The following COL15A1 variants were observed in gnomAD, a reference collection of about 807,000 sequenced individuals.
COL15A1 encodes collagen alpha-1(XV) chain.
Under a neutral mutation model 165.9 loss-of-function variants are expected in COL15A1, and 111 were observed. The observed-to-expected ratio is 0.67, with a 90% CI of 0.57 to 0.78. The LOEUF (loss-of-function observed/expected upper bound fraction) is 0.78, where lower values mean the gene tolerates loss of function less well. Ranked by LOEUF, COL15A1 falls within the 30% of genes least tolerant of loss-of-function variation. The probability of loss-of-function intolerance (pLI) is 0.00; values close to 1 mark genes in which losing one functional copy is unlikely to be tolerated. For missense variants in COL15A1, 1,745 were observed against 1,789.7 expected (o/e 0.98, Z 0.45); for synonymous variants, 659 against 674.8 (o/e 0.98, Z 0.36).
At chr9:99,049,789 C>T (rs1052350819) in intron 29 of COL15A1, 31 bp downstream of exon 29, 41 of 1,614,106 alleles carry the variant, frequency 2.5e-5, no homozygotes, top group Middle Eastern at 1.6e-4. Context: ...AAGACCTTCC[C>T]GATTGGCCTA....
chr9:99,046,976 T>C (rs1048108476), intron 26 of COL15A1, among the ~76,000 whole-genome samples: 2 of 152,214 alleles, frequency 1.3e-5, no homozygotes, highest in Non-Finnish European at 1.5e-5. Context: ...TGTATGTTTA[T>C]GGTAGGATGA....
chr9:99,013,591 G>T (rs1366032259), intron 9 of COL15A1, among the ~76,000 whole-genome samples: 3 of 149,072 alleles, frequency 2.0e-5, no homozygotes, highest in Non-Finnish European at 3.0e-5. Context: ...CCTGTAAATT[G>T]TCCTCAGCCA....
At chr9:99,006,068 C>T (rs1001206437) in intron 9 of COL15A1, among the ~76,000 whole-genome samples, 1 of 152,188 alleles carries the variant, frequency 6.6e-6, no homozygotes, top group Non-Finnish European at 1.5e-5. Flanking sequence ...CTCATCATGC[C>T]TCATACCCTC....
intron 9 of COL15A1, among the ~76,000 whole-genome samples, chr9:99,008,068 C>T (rs754563193): frequency 2.6e-5 from 4 of 152,056 alleles, no homozygotes; most frequent in Non-Finnish European, 5.9e-5. Flanking sequence ...TATACTTGGC[C>T]TGAGTATTTG....
At chr9:99,043,648 AG>A (rs1445021083) in intron 24 of COL15A1, among the ~76,000 whole-genome samples, 1 of 152,054 alleles carries the variant, frequency 6.6e-6, no homozygotes, top group African/African-American at 2.4e-5. Context: ...GTGTGGGCTT[AG>A]GGGGATGGAA....
intron 2 of COL15A1, among the ~76,000 whole-genome samples, chr9:98,974,750 T>C (rs1468390707): frequency 6.6e-6 from 1 of 152,034 alleles, no homozygotes; most frequent in Non-Finnish European, 1.5e-5. Context: ...GGCCCCCCAG[T>C]GGGAATACAC....
At chr9:98,958,047 C>T (rs182490441) in intron 2 of COL15A1, among the ~76,000 whole-genome samples, 25 of 152,320 alleles carry the variant, frequency 1.6e-4, no homozygotes, top group East Asian at 5.8e-4. Flanking sequence ...AACCCTGTTA[C>T]GTTCAGGTCG....
chr9:98,952,718 T>C (rs1052033079), intron 2 of COL15A1, among the ~76,000 whole-genome samples: 19 of 152,354 alleles, frequency 1.2e-4, no homozygotes, highest in African/African-American at 4.6e-4. Context: ...CCAGTTCTTT[T>C]CCAAAGTGGT....
At chr9:99,022,340 G>T (rs1233296642) in intron 13 of COL15A1, among the ~76,000 whole-genome samples, 190 bp downstream of exon 13, 1 of 152,194 alleles carries the variant, frequency 6.6e-6, no homozygotes, top group Admixed American at 6.5e-5. Context: ...TTTAAATCCT[G>T]CACCTTGAGC....
intron 2 of COL15A1, among the ~76,000 whole-genome samples, chr9:98,959,180 C>A (rs531721350): frequency 6.0e-4 from 80 of 132,506 alleles, no homozygotes; most frequent in African/African-American, 2.2e-3. Flanking sequence ...CTCTTGAAGC[C>A]AGGAGTTCGA....
In COL15A1 at chr9:99,022,112, C is replaced by T. The variant is rs1658700940; in HGVS notation, c.1723C>T (p.Pro575Ser). The T allele has an allele frequency of 6.2e-7, 1 of 1,614,052 alleles. No homozygotes were observed. Among genetic ancestry groups the T allele is most frequent in the Non-Finnish European group, 8.5e-7 (1 of 1,180,004 alleles). The change falls in exon 13 of 42, where the codon CCT becomes TCT. Residue 575 changes from proline (P) to serine (S), a missense_variant. Coordinates refer to ENST00000375001, the MANE Select transcript of COL15A1 (RefSeq NM_001855.5). The part of the protein sequence containing the change: ...GEKGDAGEEL[P>S]GPPEPSGPVG... ...TTAGGGTGATGCTGGGGAGGAGCTT[C>T]CTGGCCCTCCTGAACCTTCTGGGCC... is the stretch of plus-strand genomic sequence containing the variant.
Position 99,029,428 on chromosome 9 carries a change from T to C in COL15A1, c.2043+3462T>C, listed in dbSNP as rs7847481. Among the ~76,000 whole-genome samples the C allele has an allele frequency of 7.4e-3, 1,121 of 152,342 alleles. 12 individuals carry two copies. Among genetic ancestry groups the C allele is most frequent in the African/African-American group, 0.026 (1,073 of 41,578 alleles). ...CTTCCCTTTCTCCAAGCAATCCCAA[T>C]TGGTCTTTGAACAATTCTCTAAACC... On this transcript the variant is annotated intron_variant, in intron 16 of 41. Coordinates refer to ENST00000375001, the MANE Select transcript of COL15A1 (RefSeq NM_001855.5).
At position 99,025,872 on chromosome 9, in the gene COL15A1, G is replaced by T. The variant is rs773181088; in HGVS notation, c.1981-32G>T. 2.1e-5 allele frequency: 33 copies of T among 1,607,430 alleles called. 1 individual carries two copies. Among genetic ancestry groups the T allele is most frequent in the Non-Finnish European group, 1.7e-6 (2 of 1,176,702 alleles). The stretch of plus-strand genomic sequence containing the variant: ...TGTGTATGTGATATTTAGCAGAAAT[G>T]TTGTGGGTTGATTGTCACTGATGTT... On this transcript the variant is annotated intron_variant, in intron 15 of 41. Transcript: ENST00000375001.
At chr9:99,019,807 A>G (rs1172766273) in intron 11 of COL15A1, among the ~76,000 whole-genome samples, 7 of 152,154 alleles carry the variant, frequency 4.6e-5, no homozygotes, top group Non-Finnish European at 1.0e-4. Flanking sequence ...TACATGCTCA[A>G]TAAATTAGCT....
chr9:99,059,050 G>A (rs572623180), intron 35 of COL15A1, among the ~76,000 whole-genome samples: 4 of 152,298 alleles, frequency 2.6e-5, no homozygotes, highest in African/African-American at 9.6e-5. Flanking sequence ...CTTTATGTTT[G>A]CCTAAAGTAA....
chr9:98,980,694 C>T (rs957893906), intron 2 of COL15A1, among the ~76,000 whole-genome samples: 1 of 152,196 alleles, frequency 6.6e-6, no homozygotes, highest in Non-Finnish European at 1.5e-5. Flanking sequence ...CAGATGTGCT[C>T]TTTTGTCGAG....
intron 2 of COL15A1, among the ~76,000 whole-genome samples, chr9:98,971,949 G>A (rs1386014980): frequency 6.6e-6 from 1 of 152,234 alleles, no homozygotes; most frequent in African/African-American, 2.4e-5. Context: ...TGGCTAGCAG[G>A]TGGTTGTGAG....
At chr9:99,051,748 A>G (rs967314672) in intron 30 of COL15A1, among the ~76,000 whole-genome samples, 6 of 152,228 alleles carry the variant, frequency 3.9e-5, no homozygotes, top group Admixed American at 2.0e-4. Flanking sequence ...CTACACATCA[A>G]TTGGGAAGAA....
At chr9:99,011,423 A>AAAAAAAAAAAC (rs548063268) in intron 9 of COL15A1, among the ~76,000 whole-genome samples, 3 of 135,136 alleles carry the variant, frequency 2.2e-5, no homozygotes, top group Non-Finnish European at 4.7e-5. Context: ...AAAAAAAAAA[A>AAAAAAAAAAAC]AGTCATTTTA....
Sources: allele counts gnomAD v4.1 joint callset (sites outside exome capture counted in the v4.1 genomes callset), GRCh38; gene constraint gnomAD v4.1.1; transcripts MANE v1.5; gene names NCBI Gene and HGNC (gene_info 2026-07-23, HGNC 2026-07-21).